The following STIL variants were observed in gnomAD, a reference collection of about 807,000 sequenced individuals.
The protein encoded by STIL is STIL centriolar assembly protein.
In STIL, 55 loss-of-function variants were observed where a neutral mutation model predicts 110.1. That is an observed-to-expected ratio of 0.50 (90% CI 0.40 to 0.63). STIL has a LOEUF of 0.63. STIL is among the 20% of genes least tolerant of loss of function. The pLI is 0.00. For missense variants in STIL, 1,358 were observed against 1,530.0 expected, an observed-to-expected ratio of 0.89 and a Z score of 1.87; for synonymous variants, 481 against 530.0, an observed-to-expected ratio of 0.91 and a Z score of 1.27.
At chr1:47,285,119 G>A (rs1178538728) in intron 10 of STIL, among the ~76,000 whole-genome samples, 1 of 151,162 alleles carries the variant, frequency 6.6e-6, no homozygotes, top group Non-Finnish European at 1.5e-5. Context: ...GACCTCCTGG[G>A]CAAGTGATCC....
At chr1:47,285,449 C>T (rs890362230) in intron 10 of STIL, among the ~76,000 whole-genome samples, 2 of 152,086 alleles carry the variant, frequency 1.3e-5, no homozygotes, top group Admixed American at 6.6e-5. Flanking sequence ...AACCCTAATA[C>T]AAGATAATAT....
chr1:47,310,851 C>G (rs1646101475), intron 1 of STIL, among the ~76,000 whole-genome samples: 1 of 152,018 alleles, frequency 6.6e-6, no homozygotes, highest in Non-Finnish European at 1.5e-5. Context: ...AGTGAAAAAT[C>G]AGTGTTCTTT....
intron 8 of STIL, among the ~76,000 whole-genome samples, chr1:47,291,591 A>G (rs2149094617): frequency 6.6e-6 from 1 of 151,174 alleles, no homozygotes; most frequent in East Asian, 1.9e-4. Flanking sequence ...TTATTTATTT[A>G]TTTATTTTTT....
intron 8 of STIL, among the ~76,000 whole-genome samples, chr1:47,289,786 A>T (rs889862423): frequency 6.6e-6 from 1 of 152,104 alleles, no homozygotes; most frequent in African/African-American, 2.4e-5. Context: ...CCTTGTCAAC[A>T]TAGTGAGACC....
intron 11 of STIL, among the ~76,000 whole-genome samples, chr1:47,281,445 T>TC (rs1367729143): frequency 7.9e-5 from 12 of 152,142 alleles, no homozygotes; most frequent in African/African-American, 2.7e-4. Flanking sequence ...ACTAAACACT[T>TC]CCCAAACTTA....
At position 47,255,550 on chromosome 1, in the gene STIL, CAA is replaced by C. The variant is rs60137249; in HGVS notation, c.3081-3630_3081-3629del. Among the ~76,000 whole-genome samples, 53 of 123,508 alleles carry C rather than the reference CAA, an allele frequency of 4.3e-4. No individual in the cohort carries two copies. The East Asian group carries it at 4.7e-3, about 11-fold the overall frequency. 81.0% of individuals were successfully genotyped at this position (123,508 alleles called of 152,430 possible). A position where few individuals can be genotyped will look rare whatever the true frequency, so the allele number is the denominator to read the frequency against. ...GGCAACAGAGCGAGACCCTGTCTCT[CAA>C]AAAAAAAAAAAAAAAAGTCAACTTT... On this transcript the variant is annotated intron_variant, in intron 16 of 16. Transcript: ENST00000371877.
At chr1:47,274,245 T>G (rs890169258) in intron 12 of STIL, among the ~76,000 whole-genome samples, 2 of 152,246 alleles carry the variant, frequency 1.3e-5, no homozygotes, top group African/African-American at 4.8e-5. Flanking sequence ...CTAAAATTGA[T>G]CACTCAGTGT....
At chr1:47,267,955 A>G (rs1469803540) in intron 14 of STIL, among the ~76,000 whole-genome samples, 2 of 152,150 alleles carry the variant, frequency 1.3e-5, no homozygotes, top group African/African-American at 4.8e-5. Context: ...ACATGAGAGA[A>G]TTATTTTACA....
chr1:47,263,722 G>T (rs904004049), intron 14 of STIL, among the ~76,000 whole-genome samples: 2 of 131,204 alleles, frequency 1.5e-5, no homozygotes, highest in South Asian at 2.4e-4. Context: ...AATATTTTAG[G>T]TATGTTATTT....
chr1:47,263,770 T>TTTTTTTTTA (rs1644554644), intron 14 of STIL, among the ~76,000 whole-genome samples: 1 of 105,510 alleles, frequency 9.5e-6, no homozygotes, highest in Non-Finnish European at 2.0e-5. Context: ...TTTTTTTTTT[T>TTTTTTTTTA]GAGACAGAGT....
At chr1:47,313,318 C>T (rs973710277) in intron 1 of STIL, among the ~76,000 whole-genome samples, 2 of 145,312 alleles carry the variant, frequency 1.4e-5, no homozygotes, top group African/African-American at 2.6e-5. Flanking sequence ...AGTGAAACTG[C>T]GTCTCAAAAA....
chr1:47,251,387 T>C lies in STIL; in HGVS notation c.3616A>G (p.Thr1206Ala). 8.1e-6 allele frequency: 13 copies of C among 1,614,244 alleles called. No individual in the cohort carries two copies. Among genetic ancestry groups the C allele is most frequent in the Non-Finnish European group, 1.1e-5 (13 of 1,180,040 alleles). ...LRNITNEVLQ[T>A]KAKQQLTEKP... ...TCAGTCAACTGCTGTTTTGCTTTTGTCTGCAAAACTTCATTTGTAATATTT... is the reference window on the plus strand; with the variant it reads ...TCAGTCAACTGCTGTTTTGCTTTTGCCTGCAAAACTTCATTTGTAATATTT... Residue 1206 changes from threonine (T) to alanine (A), a missense_variant, in exon 17 of 17, where the codon ACA becomes GCA. Thr to Ala is a moderately conservative substitution (Grantham distance 58). Transcript: ENST00000371877.
At chr1:47,305,132 T>C (rs1393191876) in intron 2 of STIL, 136 bp from the exon 3 acceptor site, 14 of 671,022 alleles carry the variant, frequency 2.1e-5, no homozygotes, top group Non-Finnish European at 3.1e-5. Flanking sequence ...TTTATATATA[T>C]ATATTTTTTT....
At chr1:47,288,892 C>CAAA (rs138649605) in intron 9 of STIL, among the ~76,000 whole-genome samples, 7 of 94,786 alleles carry the variant, frequency 7.4e-5, no homozygotes, top group East Asian at 2.9e-4. Flanking sequence ...AATGAAAATA[C>CAAA]AAAAAAAAAA....
intron 6 of STIL, among the ~76,000 whole-genome samples, chr1:47,298,225 G>A (rs1272817982): frequency 6.6e-6 from 1 of 152,202 alleles, no homozygotes; most frequent in African/African-American, 2.4e-5. Context: ...CTAGGGTGGA[G>A]TCACTGGGAA....
intron 10 of STIL, among the ~76,000 whole-genome samples, chr1:47,286,329 C>CTT (rs924179984): frequency 6.7e-6 from 1 of 148,970 alleles, no homozygotes; most frequent in Admixed American, 6.7e-5. Flanking sequence ...ACTTCAATGG[C>CTT]TTTTTTTTTT....
intron 16 of STIL, among the ~76,000 whole-genome samples, chr1:47,255,228 G>A (rs1390978078): frequency 6.6e-6 from 1 of 152,108 alleles, no homozygotes; most frequent in Non-Finnish European, 1.5e-5. Context: ...AATCCTAAAA[G>A]CCTGAGCACA....
intron 10 of STIL, among the ~76,000 whole-genome samples, chr1:47,286,946 C>T (rs944235570): frequency 1.3e-5 from 2 of 152,086 alleles, no homozygotes; most frequent in African/African-American, 2.4e-5. Flanking sequence ...TGGTCTCAAA[C>T]TCCTGACCTC....
At chr1:47,302,370 G>T in intron 3 of STIL, 24 bp from the exon 4 acceptor site, 2 of 1,543,538 alleles carry the variant, frequency 1.3e-6, no homozygotes, top group Non-Finnish European at 1.8e-6. Flanking sequence ...AGTCTTTTAT[G>T]AATATGGTAG....
Sources: gnomAD v4.1 joint callset for allele counts (sites outside exome capture counted in the v4.1 genomes callset) on GRCh38, gnomAD v4.1.1 for gene constraint, MANE v1.5 for transcripts, NCBI Gene and HGNC (gene_info 2026-07-23, HGNC 2026-07-21) for gene names.